The following DDAH1 variants were observed in gnomAD, a reference collection of about 807,000 sequenced individuals.
DDAH1 encodes dimethylarginine dimethylaminohydrolase 1, also known as N(G),N(G)-dimethylarginine dimethylaminohydrolase 1.
Under a neutral mutation model 28.8 loss-of-function variants are expected in DDAH1, and 19 were observed. That is an observed-to-expected ratio of 0.66 (90% CI 0.46 to 0.97). The LOEUF (loss-of-function observed/expected upper bound fraction) is 0.97, where lower values mean the gene tolerates loss of function less well. Among genes scored for constraint, DDAH1 ranks in the 50% least tolerant of loss-of-function variants. DDAH1 has a pLI of 0.00. For synonymous variants in DDAH1, 153 were observed against 154.4 expected (o/e 0.99, Z 0.07); for missense variants, 326 against 375.9 (o/e 0.87, Z 1.10).
At chr1:85,377,362 T>C (rs991105207) in intron 1 of DDAH1, among the ~76,000 whole-genome samples, 1 of 152,132 alleles carries the variant, frequency 6.6e-6, no homozygotes, top group Non-Finnish European at 1.5e-5. Flanking sequence ...TCTTCTAGAC[T>C]CCAAGCATAA....
chr1:85,402,161 ATTTTTTTTTTT>A (rs11365834), intron 1 of DDAH1, among the ~76,000 whole-genome samples: 2 of 120,432 alleles, frequency 1.7e-5, no homozygotes, highest in African/African-American at 6.4e-5. Flanking sequence ...TAATACTTCT[ATTTTTTTTTTT>A]TTTTTTTTTG....
chr1:85,510,180 G>T (rs1258392638), intron 1 of DDAH1, among the ~76,000 whole-genome samples: 1 of 152,194 alleles, frequency 6.6e-6, no homozygotes, highest in East Asian at 1.9e-4. Context: ...CCAGAAGAAA[G>T]TGGGGGCCAA....
chr1:85,544,488 G>A (rs978170289), intron 1 of DDAH1, among the ~76,000 whole-genome samples: 1 of 152,264 alleles, frequency 6.6e-6, no homozygotes, highest in South Asian at 2.1e-4. Flanking sequence ...TTCTTGAGCT[G>A]GGAAGAATGC....
intron 2 of DDAH1, among the ~76,000 whole-genome samples, chr1:85,477,140 T>C (rs1262677755): frequency 2.0e-5 from 3 of 152,112 alleles, no homozygotes; most frequent in African/African-American, 7.2e-5. Flanking sequence ...GGAGAGAAAT[T>C]ACCAAACTGA....
chr1:85,383,811 T>G (rs1651117645), intron 1 of DDAH1, among the ~76,000 whole-genome samples: 1 of 152,206 alleles, frequency 6.6e-6, no homozygotes, highest in Admixed American at 6.5e-5. Context: ...CTCAGGTGAT[T>G]GTCAGCATTT....
chr1:85,530,263 C>A (rs1235498294), intron 1 of DDAH1, among the ~76,000 whole-genome samples: 2 of 152,148 alleles, frequency 1.3e-5, no homozygotes, highest in Non-Finnish European at 2.9e-5. Context: ...CTGGGAGAAT[C>A]CAGTCCCCAT....
intron 1 of DDAH1, among the ~76,000 whole-genome samples, chr1:85,444,616 T>C (rs908730921): frequency 6.6e-6 from 1 of 152,214 alleles, no homozygotes; most frequent in African/African-American, 2.4e-5. Context: ...CCTGAGAATG[T>C]TGTGAGTGCT....
chr1:85,488,997 T>C (rs187989166), intron 2 of DDAH1, among the ~76,000 whole-genome samples: 1 of 152,364 alleles, frequency 6.6e-6, no homozygotes, highest in African/African-American at 2.4e-5. Context: ...CTATGAAATG[T>C]ATTTTTGTCA....
At chr1:85,452,164 A>T (rs765394934) in intron 1 of DDAH1, among the ~76,000 whole-genome samples, 8 of 152,230 alleles carry the variant, frequency 5.3e-5, no homozygotes, top group Non-Finnish European at 1.0e-4. Context: ...CTGAGATCAA[A>T]CAGCCCATTT....
chr1:85,569,457 A>T (rs1659391763), intron 1 of DDAH1, among the ~76,000 whole-genome samples: 1 of 152,226 alleles, frequency 6.6e-6, no homozygotes, highest in African/African-American at 2.4e-5. Flanking sequence ...TAAGCTTTCC[A>T]ACATGGTGCT....
intron 1 of DDAH1, among the ~76,000 whole-genome samples, chr1:85,378,891 G>C (rs759902360): frequency 3.9e-5 from 6 of 152,232 alleles, no homozygotes; most frequent in Non-Finnish European, 5.9e-5. Flanking sequence ...GTGACAGGTA[G>C]AGATAATGAG....
At chr1:85,404,605 C>T (rs1030386945) in intron 1 of DDAH1, 26 of 1,199,260 alleles carry the variant, frequency 2.2e-5, no homozygotes, top group Non-Finnish European at 2.8e-5. Context: ...AGCATGTCTG[C>T]TGAAACCGAA....
chr1:85,333,524 C>G (rs1647907571), intron 4 of DDAH1, among the ~76,000 whole-genome samples: 1 of 151,376 alleles, frequency 6.6e-6, no homozygotes, highest in Non-Finnish European at 1.5e-5. Context: ...TTCAAAATAA[C>G]AACATTAAGG....
intron 1 of DDAH1, among the ~76,000 whole-genome samples, chr1:85,378,123 G>A (rs1650781438): frequency 1.3e-5 from 2 of 152,106 alleles, no homozygotes; most frequent in Admixed American, 6.6e-5. Flanking sequence ...AACCAAAAAG[G>A]GCTAAAAGAA....
chr1:85,357,709 C>A (rs1223113957), intron 2 of DDAH1, among the ~76,000 whole-genome samples: 1 of 152,154 alleles, frequency 6.6e-6, no homozygotes, highest in Non-Finnish European at 1.5e-5. Flanking sequence ...TATTCTCTGA[C>A]ATGTCTGGGA....
chr1:85,442,722 T>G (rs918113771), intron 1 of DDAH1, among the ~76,000 whole-genome samples: 71 of 152,350 alleles, frequency 4.7e-4, no homozygotes, highest in Non-Finnish European at 7.6e-4. Context: ...ATTGCCATTC[T>G]AACTGGTGTG....
intron 1 of DDAH1, among the ~76,000 whole-genome samples, chr1:85,520,224 CCT>C (rs1657634326): frequency 6.6e-6 from 1 of 152,228 alleles, no homozygotes; most frequent in East Asian, 1.9e-4. Context: ...AAGATATTTA[CCT>C]TTTTTAATTC....
At chr1:85,491,500 G>T (rs1656401871) in intron 2 of DDAH1, among the ~76,000 whole-genome samples, 1 of 152,160 alleles carries the variant, frequency 6.6e-6, no homozygotes, top group Admixed American at 6.5e-5. Flanking sequence ...GTTCCCCATG[G>T]CATGGAGAAA....
chr1:85,354,379 T>C (rs1204376367), intron 2 of DDAH1, among the ~76,000 whole-genome samples: 1 of 152,168 alleles, frequency 6.6e-6, no homozygotes, highest in Non-Finnish European at 1.5e-5. Flanking sequence ...TGTGTTCAAG[T>C]GGCATCAGCC....
Sources: allele counts gnomAD v4.1 joint callset (sites outside exome capture counted in the v4.1 genomes callset), GRCh38; gene constraint gnomAD v4.1.1; transcripts MANE v1.5; gene names NCBI Gene and HGNC (gene_info 2026-07-23, HGNC 2026-07-21).